The following DIP2C variants were observed in gnomAD, a reference collection of about 807,000 sequenced individuals.
DIP2C encodes the protein disco-interacting protein 2 homolog C.
DIP2C carries 33 observed loss-of-function variants against 192.4 expected under a neutral mutation model. That is an observed-to-expected ratio of 0.17 (90% CI 0.13 to 0.23). The LOEUF (loss-of-function observed/expected upper bound fraction) is 0.23. DIP2C is among the 10% of genes least tolerant of loss of function. DIP2C has a pLI of 1.00. For synonymous variants in DIP2C, 979 were observed against 864.1 expected, an observed-to-expected ratio of 1.13 and a Z score of -2.33; for missense variants, 1,537 against 2,110.1, an observed-to-expected ratio of 0.73 and a Z score of 5.32.
intron 9 of DIP2C, among the ~76,000 whole-genome samples, chr10:405,415 G>A (rs540230055): frequency 3.3e-5 from 5 of 152,302 alleles, no homozygotes; most frequent in African/African-American, 1.2e-4. Context: ...ATATAAAATT[G>A]TACATTATTG....
intron 1 of DIP2C, among the ~76,000 whole-genome samples, chr10:556,052 C>G (rs1848840021): frequency 6.6e-6 from 1 of 151,816 alleles, no homozygotes; most frequent in South Asian, 2.1e-4. Flanking sequence ...GCACCCACCT[C>G]TCCCACAATC....
At chr10:370,293 C>T (rs925609950) in intron 17 of DIP2C, among the ~76,000 whole-genome samples, 2 of 152,244 alleles carry the variant, frequency 1.3e-5, no homozygotes, top group South Asian at 4.1e-4. Flanking sequence ...ACTGCGCACA[C>T]GTTCACCACG....
intron 1 of DIP2C, among the ~76,000 whole-genome samples, chr10:511,028 T>C (rs1465179961): frequency 6.6e-6 from 1 of 152,220 alleles, no homozygotes; most frequent in African/African-American, 2.4e-5. Context: ...AGTTGAAACA[T>C]CGACGTGCTT....
intron 1 of DIP2C, among the ~76,000 whole-genome samples, chr10:607,547 A>C (rs757389654): frequency 1.3e-5 from 2 of 152,236 alleles, no homozygotes; most frequent in African/African-American, 2.4e-5. Context: ...CCACGTGGCT[A>C]AACTGTTCTG....
In DIP2C at chr10:275,382, TGAG is replaced by T; in HGVS notation, c.*1940_*1942del. On this transcript the variant is annotated 3_prime_UTR_variant, in exon 37 of 37. Transcript: ENST00000280886. The stretch of plus-strand genomic sequence containing the variant: ...GTGGAGAAATATTCACACACAGCAA[TGAG>T]GTCAAACAATATTTCAAGAATCAAA... The T allele has an allele frequency of 6.6e-6, 1 of 151,624 alleles. No individual in the cohort carries two copies. Among genetic ancestry groups the T allele is most frequent in the East Asian group, 1.9e-4 (1 of 5,152 alleles). The allele number at this position is 151,624 out of a possible 1,614,324, so 9.4% of individuals were successfully genotyped here.
intron 4 of DIP2C, among the ~76,000 whole-genome samples, chr10:434,318 G>A (rs528437402): frequency 1.3e-5 from 2 of 152,208 alleles, no homozygotes; most frequent in South Asian, 4.1e-4. Flanking sequence ...TTGCTCTGTT[G>A]CCCAGGGTGG....
At chr10:337,147 T>TGTTC (rs1564574980) in intron 29 of DIP2C, among the ~76,000 whole-genome samples, 1 of 111,720 alleles carries the variant, frequency 9.0e-6, no homozygotes, top group Non-Finnish European at 1.8e-5. Context: ...TGTGTGTGTG[T>TGTTC]TGTGGAGGCC....
chr10:367,754 C>T (rs1320392871), intron 18 of DIP2C, among the ~76,000 whole-genome samples: 1 of 152,224 alleles, frequency 6.6e-6, no homozygotes, highest in Non-Finnish European at 1.5e-5. Flanking sequence ...GCCTTGAGAA[C>T]ACCGCGGAGC....
intron 17 of DIP2C, among the ~76,000 whole-genome samples, chr10:378,020 G>T (rs1453485271): frequency 2.0e-5 from 3 of 152,146 alleles, no homozygotes; most frequent in Non-Finnish European, 4.4e-5. Context: ...TGGTAACAGA[G>T]TCAGATGGCA....
In DIP2C at chr10:281,293, G is replaced by A; in HGVS notation, c.4325C>T (p.Ala1442Val). 6.2e-7 allele frequency: 1 copy of A among 1,614,064 alleles called. No individual in the cohort carries two copies. The highest frequency in any genetic ancestry group is 8.5e-7 in the Non-Finnish European group (1 of 1,179,966). The change falls in exon 36 of 37, where the codon GCA becomes GTA. Residue 1442 changes from alanine (A) to valine (V), a missense_variant. By Grantham distance (64) the Ala-to-Val change is moderately conservative (BLOSUM62 0). Transcript: ENST00000280886. ...ERHDALYVVG[A>V]LDEAMELRGM... is the part of the protein sequence containing the mutation. ...CCGCAGCTCCATGGCTTCGTCCAGT[G>A]CCCCTACCACGTAGAGGGCATCATG...
intron 22 of DIP2C, among the ~76,000 whole-genome samples, chr10:358,522 C>G (rs944136325): frequency 1.6e-5 from 2 of 128,576 alleles, no homozygotes; most frequent in African/African-American, 6.0e-5. Flanking sequence ...GAAGAATAAA[C>G]CAAGGGCTGT....
chr10:505,690 CT>C, intron 1 of DIP2C, among the ~76,000 whole-genome samples: 1 of 151,706 alleles, frequency 6.6e-6, no homozygotes, highest in South Asian at 2.1e-4. Context: ...GTGGGTGCCC[CT>C]GACGCCACAG....
intron 1 of DIP2C, among the ~76,000 whole-genome samples, chr10:538,822 G>A (rs1847831985): frequency 6.6e-6 from 1 of 152,164 alleles, no homozygotes; most frequent in African/African-American, 2.4e-5. Flanking sequence ...TGTAAGCACT[G>A]GGTAATATGA....
chr10:416,916 G>C (rs543372850), intron 6 of DIP2C, among the ~76,000 whole-genome samples: 5 of 152,270 alleles, frequency 3.3e-5, no homozygotes, highest in Non-Finnish European at 7.3e-5. Context: ...CCCCGCACTG[G>C]ACCATAAAAA....
chr10:683,562 A>C (rs1420151549), intron 1 of DIP2C, among the ~76,000 whole-genome samples: 1 of 152,236 alleles, frequency 6.6e-6, no homozygotes, highest in Non-Finnish European at 1.5e-5. Context: ...AAAGGGCGCC[A>C]TAGACGTTCC....
intron 1 of DIP2C, among the ~76,000 whole-genome samples, chr10:557,070 C>T (rs1848918340): frequency 6.6e-6 from 1 of 152,238 alleles, no homozygotes; most frequent in Admixed American, 6.5e-5. Context: ...CAAAGCTGGT[C>T]AGTGTGGCCC....
chr10:376,968 G>T (rs1337895175), intron 17 of DIP2C, among the ~76,000 whole-genome samples: 1 of 152,164 alleles, frequency 6.6e-6, no homozygotes, highest in African/African-American at 2.4e-5. Context: ...AATAGGAAAA[G>T]ATACAATGTA....
intron 1 of DIP2C, among the ~76,000 whole-genome samples, chr10:499,648 G>A (rs1191476102): frequency 2.0e-5 from 3 of 152,184 alleles, no homozygotes; most frequent in East Asian, 1.9e-4. Flanking sequence ...AACAGATCTC[G>A]TGAGATCTCC....
chr10:362,445 A>G (rs778249414), intron 22 of DIP2C, 45 bp downstream of exon 22: 1 of 1,595,872 alleles, frequency 6.3e-7, no homozygotes, highest in Non-Finnish European at 8.6e-7. Context: ...GTGCAGCCCC[A>G]AGGGAACTCC....
Sources: gnomAD v4.1 joint callset for allele counts (sites outside exome capture counted in the v4.1 genomes callset) on GRCh38, gnomAD v4.1.1 for gene constraint, MANE v1.5 for transcripts, NCBI Gene and HGNC (gene_info 2026-07-23, HGNC 2026-07-21) for gene names.